Variants in ELAVL2 observed in about 807,000 individuals in gnomAD.
ELAVL2 encodes the protein ELAV-like protein 2.
A neutral mutation model predicts 34.6 loss-of-function variants in ELAVL2; 4 were observed. The ratio of observed to expected loss-of-function variants is 0.12; its 90% confidence interval spans 0.06 to 0.26. The LOEUF (loss-of-function observed/expected upper bound fraction) is 0.26, where lower values mean the gene tolerates loss of function less well. ELAVL2 is among the 10% of genes least tolerant of loss of function. The pLI is 1.00. For synonymous variants in ELAVL2, 193 were observed against 154.8 expected (o/e 1.25, Z -1.83); for missense variants, 432 against 442.8 (o/e 0.98, Z 0.22).
At chr9:23,780,320 C>T (rs1337416086) in intron 1 of ELAVL2, among the ~76,000 whole-genome samples, 1 of 152,154 alleles carries the variant, frequency 6.6e-6, no homozygotes, top group Non-Finnish European at 1.5e-5. Flanking sequence ...GAAGCTCTCA[C>T]ATTTATTCAA....
At chr9:23,792,126 T>A (rs1474754672) in intron 1 of ELAVL2, among the ~76,000 whole-genome samples, 2 of 152,224 alleles carry the variant, frequency 1.3e-5, no homozygotes, top group Non-Finnish European at 2.9e-5. Flanking sequence ...GTAAATTACA[T>A]GAAACATTCA....
At chr9:23,788,007 G>T (rs1458399750) in intron 1 of ELAVL2, among the ~76,000 whole-genome samples, 1 of 152,126 alleles carries the variant, frequency 6.6e-6, no homozygotes, top group Non-Finnish European at 1.5e-5. Context: ...GATTAAAAAG[G>T]CGCAAAAAAC....
At chr9:23,732,736 G>T (rs1420790980) in intron 2 of ELAVL2, among the ~76,000 whole-genome samples, 1 of 152,120 alleles carries the variant, frequency 6.6e-6, no homozygotes, top group Non-Finnish European at 1.5e-5. Flanking sequence ...GGTGTTTACT[G>T]GCTCGCAGTT....
At chr9:23,825,040 A>G (rs1365061937) in intron 1 of ELAVL2, among the ~76,000 whole-genome samples, 1 of 152,202 alleles carries the variant, frequency 6.6e-6, no homozygotes, top group Non-Finnish European at 1.5e-5. Flanking sequence ...TCATAGACAC[A>G]GCTCCAAGGA....
chr9:23,702,981 A>AAAAAAAAAAAAAAAAAAAG (rs2037974733), intron 4 of ELAVL2, among the ~76,000 whole-genome samples: 1 of 129,624 alleles, frequency 7.7e-6, no homozygotes, highest in Non-Finnish European at 1.6e-5. Flanking sequence ...AAAAAAAAAA[A>AAAAAAAAAAAAAAAAAAAG]CAGCCTCTAC....
At chr9:23,762,651 A>G (rs986628603) in intron 1 of ELAVL2, among the ~76,000 whole-genome samples, 1 of 152,092 alleles carries the variant, frequency 6.6e-6, no homozygotes, top group Non-Finnish European at 1.5e-5. Flanking sequence ...AAAATGAACA[A>G]AAAAATGACC....
At chr9:23,828,493 G>A (rs192185027), upstream of ELAVL2, among the ~76,000 whole-genome samples, 41 of 152,296 alleles carry the variant, frequency 2.7e-4, no homozygotes, top group South Asian at 2.1e-3. Context: ...AGGGACAGGT[G>A]TGAAAAGCTG....
chr9:23,733,577 A>G (rs2047126896), intron 2 of ELAVL2, among the ~76,000 whole-genome samples: 1 of 152,120 alleles, frequency 6.6e-6, no homozygotes, highest in South Asian at 2.1e-4. Context: ...TTTCTTCTAA[A>G]ATCTTCAAGT....
chr9:23,708,216 A>C (rs1338454490), intron 3 of ELAVL2, among the ~76,000 whole-genome samples: 1 of 152,326 alleles, frequency 6.6e-6, no homozygotes, highest in South Asian at 2.1e-4. Flanking sequence ...GATTATATAT[A>C]AACTTACGTC....
chr9:23,739,851 T>C lies in ELAVL2; in HGVS notation c.230-8726A>G, dbSNP rs368076570. On this transcript the variant is annotated intron_variant, in intron 2 of 6. Transcript: ENST00000397312. ...CAAGAGGCAGTACAGCTTCTTAATGTGTTTTTCTCTCTGTACAAGATCATT... is the reference window on the plus strand; with the variant it reads ...CAAGAGGCAGTACAGCTTCTTAATGCGTTTTTCTCTCTGTACAAGATCATT... Among the ~76,000 whole-genome samples the C allele has an allele frequency of 4.6e-5, 7 of 152,122 alleles. No individual in the cohort carries two copies. The East Asian group carries it at 1.2e-3, about 25-fold the overall frequency.
chr9:23,739,737 C>T (rs895311679), intron 2 of ELAVL2, among the ~76,000 whole-genome samples: 3 of 151,884 alleles, frequency 2.0e-5, no homozygotes, highest in Admixed American at 6.6e-5. Flanking sequence ...GTTGCTTGTG[C>T]GACCAGCTGG....
chr9:23,819,329 G>C (rs1169702308), intron 1 of ELAVL2, among the ~76,000 whole-genome samples: 3 of 152,044 alleles, frequency 2.0e-5, no homozygotes, highest in Non-Finnish European at 4.4e-5. Flanking sequence ...GCGGTAACCA[G>C]AACAAATCAA....
chr9:23,701,656 G>A, intron 4 of ELAVL2, 52 bp from the exon 5 acceptor site: 1 of 1,566,730 alleles, frequency 6.4e-7, no homozygotes, highest in African/African-American at 1.4e-5. Context: ...AAGGAGAAGG[G>A]AAGGAGAGAA....
chr9:23,763,126 G>A (rs2055426551), intron 1 of ELAVL2, among the ~76,000 whole-genome samples: 1 of 152,038 alleles, frequency 6.6e-6, no homozygotes, highest in South Asian at 2.1e-4. Flanking sequence ...ATCAACTTTT[G>A]CAAACAGACC....
chr9:23,825,003 C>T (rs948010126), intron 1 of ELAVL2, among the ~76,000 whole-genome samples: 1 of 152,172 alleles, frequency 6.6e-6, no homozygotes. Context: ...GCGCCCAGCA[C>T]AGCGAGGCTC....
chr9:23,701,639 G>A, intron 4 of ELAVL2, 35 bp from the exon 5 acceptor site: 2 of 1,599,086 alleles, frequency 1.3e-6, no homozygotes, highest in African/African-American at 1.3e-5. Flanking sequence ...TGGAAAAGAG[G>A]GAACAGAAGG....
chr9:23,729,516 C>T (rs1432967756), intron 3 of ELAVL2, among the ~76,000 whole-genome samples: 1 of 152,112 alleles, frequency 6.6e-6, no homozygotes, highest in Non-Finnish European at 1.5e-5. Flanking sequence ...CGAGAAAAAG[C>T]AGTTCAGACT....
chr9:23,728,048 A>G (rs892389469), intron 3 of ELAVL2, among the ~76,000 whole-genome samples: 32 of 152,040 alleles, frequency 2.1e-4, no homozygotes, highest in African/African-American at 7.2e-4. Flanking sequence ...TTTTGATATA[A>G]CGATCAGAAG....
At chr9:23,820,969 C>T (rs1237568932) in intron 1 of ELAVL2, among the ~76,000 whole-genome samples, 1 of 152,050 alleles carries the variant, frequency 6.6e-6, no homozygotes, top group Non-Finnish European at 1.5e-5. Context: ...TTGCTCCTGC[C>T]CTGGGCGCCC....
Sources: allele counts gnomAD v4.1 joint callset (sites outside exome capture counted in the v4.1 genomes callset), GRCh38; gene constraint gnomAD v4.1.1; transcripts MANE v1.5; gene names NCBI Gene and HGNC (gene_info 2026-07-23, HGNC 2026-07-21).